The following ZNF618 variants were observed in gnomAD, a reference collection of about 807,000 sequenced individuals.
The protein encoded by ZNF618 is neural precursor cell expressed, developmentally down-regulated 10.
Under a neutral mutation model 103.0 loss-of-function variants are expected in ZNF618, and 34 were observed. The observed-to-expected ratio is 0.33, with a 90% CI of 0.25 to 0.44. The LOEUF (loss-of-function observed/expected upper bound fraction) is 0.44. Ranked by LOEUF, ZNF618 falls within the 20% of genes least tolerant of loss-of-function variation. The pLI, the probability that ZNF618 is intolerant of heterozygous loss-of-function variation, is 1.00. For synonymous variants in ZNF618, 551 were observed against 542.2 expected (o/e 1.02, Z -0.23); for missense variants, 1,059 against 1,295.4 (o/e 0.82, Z 2.80).
At chr9:113,910,697 A>G (rs1462437676) in intron 1 of ZNF618, among the ~76,000 whole-genome samples, 1 of 151,704 alleles carries the variant, frequency 6.6e-6, no homozygotes, top group Non-Finnish European at 1.5e-5. Flanking sequence ...CCTTTTCTCC[A>G]TCCTCTCTCC....
chr9:114,048,787 G>A lies in ZNF618; in HGVS notation c.1485G>A (p.Leu495=). 1 of 1,614,056 alleles carries A rather than the reference G, an allele frequency of 6.2e-7. No homozygotes were observed. Among genetic ancestry groups the A allele is most frequent in the Non-Finnish European group, 8.5e-7 (1 of 1,179,906 alleles). ...SVVSGKEFLK[L]AQTLVDSGAR... The stretch of plus-strand genomic sequence containing the variant: ...TCAGCGGGAAGGAGTTCCTGAAGTT[G>A]GCCCAGACCTTAGTAGACAGTGGTG... Residue 495 remains leucine (L), a synonymous_variant, in exon 15 of 15, where the codon TTG becomes TTA. Transcript: ENST00000374126.
chr9:114,003,618 C>T (rs1396079323), intron 6 of ZNF618, among the ~76,000 whole-genome samples: 1 of 152,204 alleles, frequency 6.6e-6, no homozygotes, highest in Non-Finnish European at 1.5e-5. Context: ...AGTTCAGCCT[C>T]TAAGATTCTG....
At chr9:113,971,262 G>A (rs149758269) in intron 2 of ZNF618, among the ~76,000 whole-genome samples, 11 of 152,172 alleles carry the variant, frequency 7.2e-5, no homozygotes, top group African/African-American at 2.2e-4. Context: ...CTGTCATTGT[G>A]CAATGGGGAG....
chr9:114,010,316 A>C (rs1332473149), intron 9 of ZNF618, among the ~76,000 whole-genome samples: 1 of 151,530 alleles, frequency 6.6e-6, no homozygotes, highest in African/African-American at 2.4e-5. Flanking sequence ...AAAAAAAAAA[A>C]AAAGATGAAG....
intron 1 of ZNF618, among the ~76,000 whole-genome samples, chr9:113,930,454 T>G (rs988779835): frequency 6.6e-6 from 1 of 151,546 alleles, no homozygotes; most frequent in Non-Finnish European, 1.5e-5. Flanking sequence ...GGGGCGCCTA[T>G]TTTTTTTTAA....
intron 11 of ZNF618, among the ~76,000 whole-genome samples, chr9:114,032,073 G>T (rs950262240): frequency 2.0e-5 from 3 of 152,140 alleles, no homozygotes; most frequent in Non-Finnish European, 4.4e-5. Context: ...CATCCCTTCC[G>T]CTGGGGGAAC....
rs1382602845 is a variant in ZNF618 at position 114,055,973 on chromosome 9, T to C, written c.*5806T>C. On this transcript the variant is annotated 3_prime_UTR_variant, in exon 15 of 15. Transcript: ENST00000374126. Reference sequence around the variant, plus strand: ...GGGACCCTGTGTACCATGTACTGTATTTAAAAAAAAAAAAAGTTACCTATT... The same window carrying C: ...GGGACCCTGTGTACCATGTACTGTACTTAAAAAAAAAAAAAGTTACCTATT... 7.1e-6 allele frequency: 1 copy of C among 141,332 alleles called. No homozygotes were observed. The allele number at this position is 141,332 out of a possible 1,614,324, so 8.8% of individuals were successfully genotyped here.
intron 9 of ZNF618, among the ~76,000 whole-genome samples, chr9:114,013,996 G>A (rs996237874): frequency 1.3e-5 from 2 of 152,148 alleles, no homozygotes; most frequent in Non-Finnish European, 2.9e-5. Context: ...CATGGTGATA[G>A]ACAGAAAAAT....
In ZNF618 at chr9:114,002,626, A is replaced by G. The variant is rs1347462009; in HGVS notation, c.514A>G (p.Thr172Ala). 2 of 1,610,556 alleles carry G rather than the reference A, an allele frequency of 1.2e-6. No homozygotes were observed. Among genetic ancestry groups the G allele is most frequent in the Non-Finnish European group, 1.7e-6 (2 of 1,179,604 alleles). ...TCCCTCTCTCTCTCTCTTTGCAGAC[A>G]CCGAAGCCACCTCAGGGGAGGGAGC... ...FQTHVRAHRD[T>A]EATSGEGASQ... Residue 172 changes from threonine to alanine, a missense_variant and splice_region_variant, in exon 6 of 15, where the codon ACC becomes GCC. Thr to Ala is a moderately conservative substitution (Grantham distance 58, BLOSUM62 0). Coordinates refer to ENST00000374126, the MANE Select transcript of ZNF618 (RefSeq NM_001318042.2).
At chr9:114,007,250 G>A in intron 6 of ZNF618, 100 bp from the exon 7 acceptor site, 3 of 937,396 alleles carry the variant, frequency 3.2e-6, no homozygotes, top group Non-Finnish European at 3.3e-6. Flanking sequence ...GCCAGACTGG[G>A]CTAGTTTCAT....
intron 1 of ZNF618, among the ~76,000 whole-genome samples, chr9:113,944,226 A>G (rs760053675): frequency 7.2e-5 from 11 of 152,334 alleles, no homozygotes; most frequent in Non-Finnish European, 1.3e-4. Context: ...ACACTAGTCA[A>G]TGAATGCTCG....
intron 2 of ZNF618, among the ~76,000 whole-genome samples, chr9:113,978,652 T>G (rs1312245210): frequency 6.6e-6 from 1 of 152,258 alleles, no homozygotes; most frequent in Non-Finnish European, 1.5e-5. Context: ...CAGGTGTTTT[T>G]ATTATTTTCT....
intron 3 of ZNF618, 103 bp from the exon 4 acceptor site, chr9:113,998,156 A>G: frequency 9.7e-7 from 1 of 1,028,762 alleles, no homozygotes; most frequent in Non-Finnish European, 1.5e-6. Flanking sequence ...AGGCAGTGTG[A>G]TCTTGTCCAC....
intron 10 of ZNF618, among the ~76,000 whole-genome samples, chr9:114,024,985 A>G (rs549411459): frequency 1.9e-4 from 29 of 152,254 alleles, no homozygotes; most frequent in African/African-American, 6.7e-4. Flanking sequence ...CCTGGTCCAG[A>G]GGGGCTCCCC....
intron 1 of ZNF618, among the ~76,000 whole-genome samples, chr9:113,930,900 C>T (rs531032368): frequency 1.3e-5 from 2 of 152,144 alleles, no homozygotes; most frequent in East Asian, 1.9e-4. Flanking sequence ...TAGCCTTATT[C>T]GGGGGCAGCA....
At chr9:113,905,273 T>A (rs967838015) in intron 1 of ZNF618, among the ~76,000 whole-genome samples, 4 of 152,108 alleles carry the variant, frequency 2.6e-5, no homozygotes, top group African/African-American at 9.7e-5. Context: ...GCCAGGCTGG[T>A]CTTGAACTCC....
chr9:113,979,313 G>GCACC (rs1838772132), intron 2 of ZNF618, among the ~76,000 whole-genome samples: 1 of 152,180 alleles, frequency 6.6e-6, no homozygotes, highest in Non-Finnish European at 1.5e-5. Context: ...TGGCGACCCT[G>GCACC]CACCCTCAAG....
chr9:113,909,163 A>G (rs1451522478), intron 1 of ZNF618, among the ~76,000 whole-genome samples: 1 of 151,924 alleles, frequency 6.6e-6, no homozygotes, highest in African/African-American at 2.4e-5. Flanking sequence ...CTCATTTGGA[A>G]AAGGAATGGG....
Position 114,049,810 on chromosome 9 carries a change from G to A in ZNF618, c.2508G>A (p.Val836=), listed in dbSNP as rs1463103470. 2 of 1,613,874 alleles carry A rather than the reference G, an allele frequency of 1.2e-6. No individual in the cohort carries two copies. The highest frequency in any genetic ancestry group is 1.7e-6 in the Non-Finnish European group (2 of 1,179,916). Residue 836 remains valine (V), a synonymous_variant, in exon 15 of 15, where the codon GTG becomes GTA. Coordinates refer to ENST00000374126, the MANE Select transcript of ZNF618 (RefSeq NM_001318042.2). ...IGKVCELINE[V]KESWAEEADF... is the part of the protein sequence containing the mutation. ...AGGTCTGTGAGCTCATCAACGAGGT[G>A]AAGGAGTCCTGGGCCGAGGAGGCCG...
Sources: gnomAD v4.1 joint callset for allele counts (sites outside exome capture counted in the v4.1 genomes callset) on GRCh38, gnomAD v4.1.1 for gene constraint, MANE v1.5 for transcripts, NCBI Gene and HGNC (gene_info 2026-07-23, HGNC 2026-07-21) for gene names.